Variants in CSGALNACT1 observed in about 807,000 individuals in gnomAD.
The protein encoded by CSGALNACT1 is beta4GalNAcT-1.
Under a neutral mutation model 51.0 loss-of-function variants are expected in CSGALNACT1, and 52 were observed. That is an observed-to-expected ratio of 1.02 (90% CI 0.82 to 1.29). The LOEUF is 1.29. Among genes scored for constraint, CSGALNACT1 ranks in the 50% most tolerant of loss-of-function variants. The pLI, the probability that CSGALNACT1 is intolerant of heterozygous loss-of-function variation, is 0.00. For synonymous variants in CSGALNACT1, 341 were observed against 254.4 expected (o/e 1.34, Z -3.24); for missense variants, 935 against 679.2 (o/e 1.38, Z -4.19).
At chr8:19,729,235 T>C (rs1350258480) in intron 1 of CSGALNACT1, among the ~76,000 whole-genome samples, 2 of 152,148 alleles carry the variant, frequency 1.3e-5, no homozygotes, top group African/African-American at 4.8e-5. Flanking sequence ...AATTAAATAA[T>C]GGAGTTAAGA....
intron 4 of CSGALNACT1, among the ~76,000 whole-genome samples, chr8:19,497,125 C>T (rs775852935): frequency 9.9e-5 from 15 of 152,164 alleles, no homozygotes; most frequent in South Asian, 2.1e-4. Context: ...GACCCAGTGA[C>T]GTGGTACCTG....
At chr8:19,472,613 A>G (rs1418955440) in intron 4 of CSGALNACT1, among the ~76,000 whole-genome samples, 3 of 152,252 alleles carry the variant, frequency 2.0e-5, no homozygotes, top group African/African-American at 7.2e-5. Context: ...AGAATCTGAG[A>G]CCAATGTCAA....
At chr8:19,599,341 G>C (rs1207249419) in intron 2 of CSGALNACT1, among the ~76,000 whole-genome samples, 1 of 151,462 alleles carries the variant, frequency 6.6e-6, no homozygotes, top group Admixed American at 6.6e-5. Flanking sequence ...CGTAAAAATT[G>C]TGAGCAGAGG....
intron 4 of CSGALNACT1, among the ~76,000 whole-genome samples, chr8:19,477,619 T>C (rs2070083275): frequency 6.6e-6 from 1 of 152,164 alleles, no homozygotes; most frequent in Admixed American, 6.5e-5. Context: ...AACTAAATGG[T>C]CTTCATATCC....
At chr8:19,528,749 C>A (rs2082195814) in intron 3 of CSGALNACT1, among the ~76,000 whole-genome samples, 2 of 152,164 alleles carry the variant, frequency 1.3e-5, no homozygotes, top group Admixed American at 6.5e-5. Flanking sequence ...TCCTTTGCAG[C>A]AACAAATAAT....
chr8:19,667,023 GGAAGGAAGGAAGGAAGGAA>G (rs1157890023), intron 1 of CSGALNACT1, among the ~76,000 whole-genome samples: 15 of 32,176 alleles, frequency 4.7e-4, no homozygotes, highest in African/African-American at 3.3e-3. Context: ...AAGAAAGGAA[GGAAGGAAGGAAGGAAGGAA>G]GAAAGAAAGA....
At chr8:19,441,413 A>C (rs956283698) in intron 5 of CSGALNACT1, among the ~76,000 whole-genome samples, 4 of 152,168 alleles carry the variant, frequency 2.6e-5, no homozygotes, top group Admixed American at 1.3e-4. Context: ...GAAATAATGC[A>C]GCATATCTAC....
chr8:19,656,569 A>T (rs2058293041), intron 1 of CSGALNACT1, among the ~76,000 whole-genome samples: 1 of 149,024 alleles, frequency 6.7e-6, no homozygotes, highest in African/African-American at 2.5e-5. Context: ...ACACACAGTG[A>T]CCAAGAACCA....
At chr8:19,668,341 TAC>T (rs111315690) in intron 1 of CSGALNACT1, among the ~76,000 whole-genome samples, 28 of 150,622 alleles carry the variant, frequency 1.9e-4, no homozygotes, top group East Asian at 5.9e-4. Flanking sequence ...CATGCACGGT[TAC>T]ACACACACAC....
chr8:19,692,064 G>GAGT (rs61548942), intron 1 of CSGALNACT1, among the ~76,000 whole-genome samples: 91,434 of 151,532 alleles, frequency 0.6, 27,959 homozygotes, highest in Middle Eastern at 0.71. Context: ...GAGCAAGCAA[G>GAGT]AGTAGGGAAA....
chr8:19,464,088 G>A (rs111485050), intron 4 of CSGALNACT1, among the ~76,000 whole-genome samples: 3 of 152,288 alleles, frequency 2.0e-5, no homozygotes, highest in East Asian at 1.9e-4. Context: ...CTGAGCCTAT[G>A]CAGAATTTCT....
Position 19,743,531 on chromosome 8 carries a change from G to A in CSGALNACT1, c.-297+14319C>T, listed in dbSNP as rs144339451. Among the ~76,000 whole-genome samples, 6 of 152,288 alleles carry A rather than the reference G, an allele frequency of 3.9e-5. No individual in the cohort carries two copies. In the East Asian group the frequency reaches 7.7e-4, roughly 20 times the overall value. On this transcript the variant is annotated intron_variant, in intron 1 of 1. Transcript: ENST00000517494. ...ATACTTGCAGCTAAATCAGCGATGC[G>A]AATATACTTTTGAATTAGACTGCAC...
At chr8:19,680,950 A>G (rs919586220) in intron 1 of CSGALNACT1, among the ~76,000 whole-genome samples, 3 of 152,108 alleles carry the variant, frequency 2.0e-5, no homozygotes, top group Non-Finnish European at 2.9e-5. Flanking sequence ...CCACAGTTGT[A>G]TATGTGGTCC....
upstream of CSGALNACT1, among the ~76,000 whole-genome samples, chr8:19,604,366 C>T (rs2051045392): frequency 6.6e-6 from 1 of 152,208 alleles, no homozygotes; most frequent in Admixed American, 6.5e-5. Flanking sequence ...ACCACACAAG[C>T]TATGTTACAC....
In CSGALNACT1 at chr8:19,420,016, C is replaced by G. The variant is rs952157872; in HGVS notation, c.1132+324G>C. ...TGATGGTTTTGTACATGGGAGTTCCCTTACACACACTGTCTCGCCTGCTGC... is the reference window on the plus strand; with the variant it reads ...TGATGGTTTTGTACATGGGAGTTCCGTTACACACACTGTCTCGCCTGCTGC... On this transcript the variant is annotated intron_variant, in intron 7 of 9. Coordinates refer to ENST00000454498, the Ensembl canonical transcript of CSGALNACT1. 2.4e-4 allele frequency among the ~76,000 whole-genome samples: 36 copies of G among 152,148 alleles called. 1 individual carries two copies. The highest frequency in any genetic ancestry group is 8.4e-4 in the African/African-American group (35 of 41,438).
chr8:19,744,260 A>T (rs2064503011), intron 1 of CSGALNACT1, among the ~76,000 whole-genome samples: 1 of 152,238 alleles, frequency 6.6e-6, no homozygotes. Flanking sequence ...TAAAATTGCC[A>T]CTTCAACCAC....
intron 3 of CSGALNACT1, among the ~76,000 whole-genome samples, chr8:19,543,141 A>G (rs1341742931): frequency 2.0e-5 from 3 of 152,222 alleles, no homozygotes; most frequent in African/African-American, 4.8e-5. Context: ...CTAGATGTAT[A>G]TTATATACAG....
chr8:19,586,099 A>G (rs1169257427), intron 3 of CSGALNACT1, among the ~76,000 whole-genome samples: 1 of 152,176 alleles, frequency 6.6e-6, no homozygotes, highest in Non-Finnish European at 1.5e-5. Flanking sequence ...GTGGTGGTTC[A>G]TGCCTGTAAT....
intron 1 of CSGALNACT1, among the ~76,000 whole-genome samples, chr8:19,668,170 T>A (rs1447101769): frequency 2.6e-5 from 4 of 152,168 alleles, no homozygotes; most frequent in Non-Finnish European, 1.5e-5. Context: ...TGTTCAAAAA[T>A]GCAAAAAAGG....
Sources: gnomAD v4.1 joint callset for allele counts (sites outside exome capture counted in the v4.1 genomes callset) on GRCh38, gnomAD v4.1.1 for gene constraint, MANE v1.5 for transcripts, NCBI Gene and HGNC (gene_info 2026-07-23, HGNC 2026-07-21) for gene names.